The following PHYKPL variants were observed in gnomAD, a reference collection of about 807,000 sequenced individuals.
PHYKPL encodes 5-phosphohydroxy-L-lysine phospho-lyase.
A neutral mutation model predicts 51.3 loss-of-function variants in PHYKPL; 42 were observed. The observed-to-expected ratio is 0.82, with a 90% CI of 0.64 to 1.06. The LOEUF is 1.06. Among genes scored for constraint, PHYKPL ranks in the 50% least tolerant of loss-of-function variants. The pLI is 0.00. For missense variants in PHYKPL, 655 were observed against 586.6 expected (o/e 1.12, Z -1.20); for synonymous variants, 264 against 236.0 (o/e 1.12, Z -1.09).
Position 178,213,088 on chromosome 5 carries a change from G to A in PHYKPL, c.1188C>T (p.Tyr396=), listed in dbSNP as rs775947135. 1.3e-5 allele frequency: 21 copies of A among 1,614,016 alleles called. 1 individual carries two copies. The highest frequency in any genetic ancestry group is 9.9e-5 in the South Asian group (9 of 91,078). ...CAGGGCCATCAGTGCTCAGCAAAAC[G>A]TAGTTCTCCTTCAGCCTGTGAGGAC... ...AYLVSRLKEN[Y]VLLSTDGPGR... Residue 396 remains tyrosine, a synonymous_variant, in exon 11 of 13, where the codon TAC becomes TAT. Coordinates refer to ENST00000308158, the MANE Select transcript of PHYKPL (RefSeq NM_153373.4).
intron 11 of PHYKPL, among the ~76,000 whole-genome samples, chr5:178,212,726 C>T (rs1171451263): frequency 1.3e-5 from 2 of 152,250 alleles, no homozygotes; most frequent in Non-Finnish European, 2.9e-5. Context: ...CATCTGATGC[C>T]TGCTCAGGCA....
chr5:178,230,307 A>G (rs2127495390), intron 2 of PHYKPL: 1 of 580,136 alleles, frequency 1.7e-6, no homozygotes, highest in South Asian at 2.2e-5. Flanking sequence ...GCAGAAGGAA[A>G]GCCGCTTCAG....
At position 178,215,264 on chromosome 5, in the gene PHYKPL, C is replaced by T; in HGVS notation, c.1082+12G>A. On this transcript the variant is annotated intron_variant, in intron 9 of 12. Transcript: ENST00000308158. Reference sequence around the variant, plus strand: ...GGCAGGTGGGTGGTGACTGCTGCCCCCAGAGCCTCACCTGACATCCCCGAC... The same window carrying T: ...GGCAGGTGGGTGGTGACTGCTGCCCTCAGAGCCTCACCTGACATCCCCGAC... The T allele has an allele frequency of 1.2e-6, 2 of 1,613,934 alleles. No individual in the cohort carries two copies. Among genetic ancestry groups the T allele is most frequent in the Non-Finnish European group, 1.7e-6 (2 of 1,179,948 alleles).
chr5:178,210,312 G>C (rs539690163), intron 12 of PHYKPL: 10 of 1,613,260 alleles, frequency 6.2e-6, no homozygotes, highest in East Asian at 4.5e-5. Context: ...CTCACCCCTC[G>C]TCCCCAGGGG....
chr5:178,212,142 G>A (rs1385475172), intron 11 of PHYKPL, among the ~76,000 whole-genome samples, 172 bp from the exon 12 acceptor site: 1 of 152,234 alleles, frequency 6.6e-6, no homozygotes, highest in African/African-American at 2.4e-5. Context: ...AACAAAGCCA[G>A]CCCTCAGTTC....
downstream of PHYKPL, chr5:178,207,338 A>C (rs916391324): frequency 1.8e-5 from 23 of 1,287,078 alleles, no homozygotes; most frequent in Non-Finnish European, 2.4e-5. Context: ...GTCAGACTTT[A>C]CTATTTCTCT....
chr5:178,214,671 C>T, intron 10 of PHYKPL, 125 bp downstream of exon 10: 1 of 851,966 alleles, frequency 1.2e-6, no homozygotes, highest in Non-Finnish European at 1.9e-6. Context: ...CCCCAGCCCT[C>T]TTTCAATCAA....
At chr5:178,209,697 T>C (rs1757590768) in intron 12 of PHYKPL, among the ~76,000 whole-genome samples, 1 of 152,110 alleles carries the variant, frequency 6.6e-6, no homozygotes, top group South Asian at 2.1e-4. Context: ...GGGGAGGGGA[T>C]GTGATGGGTG....
chr5:178,210,272 AGTAAGTAG>A, intron 12 of PHYKPL: 1 of 1,614,032 alleles, frequency 6.2e-7, no homozygotes, highest in Non-Finnish European at 8.5e-7. Context: ...CTACGACTAC[AGTAAGTAG>A]GAGAGAGGGA....
chr5:178,216,274 G>C (rs1759762563), intron 8 of PHYKPL: 1 of 152,186 alleles, frequency 6.6e-6, no homozygotes, highest in South Asian at 2.1e-4. Flanking sequence ...ATAGGGATGT[G>C]CTTATGCCCA....
intron 3 of PHYKPL, among the ~76,000 whole-genome samples, chr5:178,227,616 T>C (rs1404054500): frequency 1.3e-5 from 2 of 151,772 alleles, no homozygotes; most frequent in African/African-American, 4.8e-5. Context: ...GGAGAGGAAG[T>C]GGGGAGACAT....
At position 178,232,562 on chromosome 5, in the gene PHYKPL, G is replaced by T. The variant is rs1414917181; in HGVS notation, c.-12C>A. The T allele has an allele frequency of 3.9e-6, 5 of 1,278,064 alleles. No individual in the cohort carries two copies. The highest frequency in any genetic ancestry group is 4.9e-6 in the Non-Finnish European group (5 of 1,015,550). 79.2% of individuals were successfully genotyped at this position (1,278,064 alleles called of 1,614,324 possible). The stretch of plus-strand genomic sequence containing the variant: ...TGGTCTGCGGCCATGGTGGGTGGCC[G>T]TCAGTCGGTGCCGTGACGCCACGCG... On this transcript the variant is annotated 5_prime_UTR_variant, in exon 1 of 13. Coordinates refer to ENST00000308158, the MANE Select transcript of PHYKPL (RefSeq NM_153373.4).
chr5:178,232,595 C>T lies in PHYKPL; in HGVS notation c.-45G>A, dbSNP rs1763761177. On this transcript the variant is annotated 5_prime_UTR_variant, in exon 1 of 13. Coordinates refer to ENST00000308158, the MANE Select transcript of PHYKPL (RefSeq NM_153373.4). ...GTGCCGTGACGCCACGCGGAGACGT[C>T]GCCGCGCGGGCTGGGCCTCCAAGGC... The T allele has an allele frequency of 1.6e-6, 2 of 1,248,024 alleles. No homozygotes were observed. The highest frequency in any genetic ancestry group is 6.6e-5 in the South Asian group (2 of 30,164). The allele number at this position is 1,248,024 out of a possible 1,614,324, so 77.3% of individuals were successfully genotyped here.
At chr5:178,219,314 A>G (rs1407532768) in intron 8 of PHYKPL, among the ~76,000 whole-genome samples, 1 of 152,168 alleles carries the variant, frequency 6.6e-6, no homozygotes, top group Non-Finnish European at 1.5e-5. Context: ...AGCATAATAG[A>G]TATGTATGTG....
chr5:178,223,406 G>A (rs1189234058), intron 6 of PHYKPL: 2 of 456,134 alleles, frequency 4.4e-6, no homozygotes, highest in Non-Finnish European at 8.8e-6. Context: ...TCCTCCACAT[G>A]GCCACCAGGG....
chr5:178,231,997 A>T, intron 1 of PHYKPL: 1 of 1,203,352 alleles, frequency 8.3e-7, no homozygotes, highest in Non-Finnish European at 1.1e-6. Context: ...AGGCGACCTC[A>T]CCCACCGTCC....
chr5:178,212,309 C>T (rs1758698300), intron 11 of PHYKPL, among the ~76,000 whole-genome samples: 1 of 152,244 alleles, frequency 6.6e-6, no homozygotes, highest in South Asian at 2.1e-4. Context: ...TGGGATTAAG[C>T]ATACCTGTGG....
At chr5:178,217,464 G>A (rs113521273) in intron 8 of PHYKPL, among the ~76,000 whole-genome samples, 13,933 of 150,864 alleles carry the variant, frequency 0.092, 2,059 homozygotes, top group African/African-American at 0.32. Flanking sequence ...CAAGTGATCC[G>A]CCCACCTCAG....
intron 12 of PHYKPL, chr5:178,210,422 G>A: frequency 6.5e-7 from 1 of 1,529,384 alleles, no homozygotes. Context: ...TAGACTTCGG[G>A]GTCTTAATAA....
Sources: allele counts gnomAD v4.1 joint callset (sites outside exome capture counted in the v4.1 genomes callset), GRCh38; gene constraint gnomAD v4.1.1; transcripts MANE v1.5; gene names NCBI Gene and HGNC (gene_info 2026-07-23, HGNC 2026-07-21).